The following JAZF1 variants were observed in gnomAD, a reference collection of about 807,000 sequenced individuals.
The protein encoded by JAZF1 is juxtaposed with another zinc finger protein 1.
A neutral mutation model predicts 26.4 loss-of-function variants in JAZF1; 8 were observed. That is an observed-to-expected ratio of 0.30 (90% CI 0.18 to 0.55). JAZF1 has a LOEUF of 0.55. Among genes scored for constraint, JAZF1 ranks in the 20% least tolerant of loss-of-function variants. JAZF1 has a pLI of 0.94. For missense variants in JAZF1, 199 were observed against 322.0 expected (o/e 0.62, Z 2.92); for synonymous variants, 126 against 122.3 (o/e 1.03, Z -0.20).
intron 1 of JAZF1, among the ~76,000 whole-genome samples, chr7:28,017,961 G>A (rs958490712): frequency 1.3e-5 from 2 of 152,150 alleles, no homozygotes; most frequent in Non-Finnish European, 2.9e-5. Context: ...TTTTAGTAGA[G>A]ACAGGGTTTC....
At chr7:27,849,492 T>C (rs1019310826) in intron 3 of JAZF1, among the ~76,000 whole-genome samples, 2 of 152,176 alleles carry the variant, frequency 1.3e-5, no homozygotes, top group Non-Finnish European at 2.9e-5. Context: ...TCATCTTTCT[T>C]GGGTTGAGTT....
intron 1 of JAZF1, among the ~76,000 whole-genome samples, chr7:28,175,918 C>T (rs1042965360): frequency 3.9e-5 from 6 of 152,202 alleles, no homozygotes; most frequent in African/African-American, 1.4e-4. Flanking sequence ...CACTGTGATG[C>T]TCCTTTGAGA....
chr7:28,024,119 T>TA (rs1317747790), intron 1 of JAZF1, among the ~76,000 whole-genome samples: 74 of 142,422 alleles, frequency 5.2e-4, no homozygotes, highest in South Asian at 1.6e-3. Context: ...GACCCATCTC[T>TA]AAAAAAAAAA....
chr7:27,893,954 G>T (rs527814008), intron 3 of JAZF1, among the ~76,000 whole-genome samples: 6 of 152,328 alleles, frequency 3.9e-5, no homozygotes, highest in African/African-American at 1.4e-4. Flanking sequence ...TGAATTCTGG[G>T]AAGACATACT....
intron 1 of JAZF1, among the ~76,000 whole-genome samples, chr7:28,123,402 C>T (rs897475328): frequency 2.0e-5 from 3 of 152,200 alleles, no homozygotes; most frequent in African/African-American, 7.2e-5. Flanking sequence ...ACTGGTAGAA[C>T]TGTGATATGA....
chr7:28,042,246 G>A (rs1213465329), intron 1 of JAZF1, among the ~76,000 whole-genome samples: 1 of 152,198 alleles, frequency 6.6e-6, no homozygotes, highest in Non-Finnish European at 1.5e-5. Context: ...AGCCCCATCT[G>A]ATTACCGTGC....
intron 1 of JAZF1, among the ~76,000 whole-genome samples, chr7:28,073,107 C>T (rs1313795588): frequency 6.6e-6 from 1 of 152,202 alleles, no homozygotes; most frequent in East Asian, 1.9e-4. Context: ...TCCTTTCCCA[C>T]AAAACACAAC....
At chr7:27,910,326 A>T (rs1784341019) in intron 2 of JAZF1, among the ~76,000 whole-genome samples, 1 of 152,180 alleles carries the variant, frequency 6.6e-6, no homozygotes, top group Admixed American at 6.5e-5. Flanking sequence ...CTCCCATGCA[A>T]AGCCTGCACA....
chr7:27,871,287 G>A (rs1783577130), intron 3 of JAZF1, among the ~76,000 whole-genome samples: 1 of 152,190 alleles, frequency 6.6e-6, no homozygotes, highest in Non-Finnish European at 1.5e-5. Context: ...AGTGCTGTGT[G>A]CCAACGGGGT....
chr7:27,833,825 A>G (rs537379013), intron 4 of JAZF1, among the ~76,000 whole-genome samples: 77 of 152,318 alleles, frequency 5.1e-4, no homozygotes, highest in African/African-American at 1.8e-3. Flanking sequence ...CACTCTCTAC[A>G]GTTTTAACCA....
chr7:28,033,520 A>T (rs1014575912), intron 1 of JAZF1, among the ~76,000 whole-genome samples: 1 of 152,180 alleles, frequency 6.6e-6, no homozygotes, highest in Non-Finnish European at 1.5e-5. Flanking sequence ...ACGTACCGCT[A>T]ATGAGAACTG....
chr7:28,020,342 C>T (rs533479440), intron 1 of JAZF1, among the ~76,000 whole-genome samples: 82 of 152,224 alleles, frequency 5.4e-4, no homozygotes, highest in African/African-American at 1.9e-3. Flanking sequence ...GAAGAGAAGC[C>T]TTCTGATGAG....
intron 2 of JAZF1, among the ~76,000 whole-genome samples, chr7:27,955,612 G>A (rs762607707): frequency 1.1e-4 from 16 of 152,260 alleles, no homozygotes; most frequent in South Asian, 2.1e-4. Flanking sequence ...TGGGAATCAC[G>A]GAGAGGCTTC....
chr7:27,962,873 A>C (rs1198455487), intron 2 of JAZF1, among the ~76,000 whole-genome samples: 1 of 152,204 alleles, frequency 6.6e-6, no homozygotes, highest in Non-Finnish European at 1.5e-5. Context: ...ATAATCCTAC[A>C]TATGCCTTTC....
rs1162244261 is a variant in JAZF1 at position 28,180,591 on chromosome 7, G to C, written c.-14C>G. The C allele has an allele frequency of 1.3e-6, 2 of 1,598,810 alleles. No individual in the cohort carries two copies. The highest frequency in any genetic ancestry group is 1.1e-5 in the South Asian group (1 of 90,154). On this transcript the variant is annotated 5_prime_UTR_variant, in exon 1 of 5. Transcript: ENST00000283928. ...GATGCCTGTCATGGTGCTACATCGA[G>C]AGCCCCCCTGGTGTCGGCTCTGCGA...
At chr7:28,126,862 C>A (rs1418064845) in intron 1 of JAZF1, among the ~76,000 whole-genome samples, 1 of 152,220 alleles carries the variant, frequency 6.6e-6, no homozygotes, top group Non-Finnish European at 1.5e-5. Context: ...CCCTAAAGGT[C>A]ATCTCCTTTC....
At chr7:27,956,267 C>T (rs1350288008) in intron 2 of JAZF1, among the ~76,000 whole-genome samples, 2 of 152,150 alleles carry the variant, frequency 1.3e-5, no homozygotes, top group African/African-American at 4.8e-5. Flanking sequence ...TTCCCCTTCA[C>T]ACTCTCGTGA....
At chr7:28,173,880 TA>T (rs58075065) in intron 1 of JAZF1, among the ~76,000 whole-genome samples, 11,591 of 92,970 alleles carry the variant, frequency 0.12, 859 homozygotes, top group South Asian at 0.23. Context: ...CAGCTAGCTT[TA>T]AAAAAAAAAA....
At chr7:27,876,500 C>T (rs769836863) in intron 3 of JAZF1, among the ~76,000 whole-genome samples, 2 of 152,110 alleles carry the variant, frequency 1.3e-5, no homozygotes, top group Non-Finnish European at 2.9e-5. Context: ...ATCACAACTG[C>T]TAGGATTTTG....
Sources: gnomAD v4.1 joint callset for allele counts (sites outside exome capture counted in the v4.1 genomes callset) on GRCh38, gnomAD v4.1.1 for gene constraint, MANE v1.5 for transcripts, NCBI Gene and HGNC (gene_info 2026-07-23, HGNC 2026-07-21) for gene names.